The following KCND3 variants were observed in gnomAD, a reference collection of about 807,000 sequenced individuals.
KCND3 encodes the protein potassium voltage-gated channel subfamily D member 3.
In KCND3, 9 loss-of-function variants were observed where a neutral mutation model predicts 51.1. The observed-to-expected ratio is 0.18, with a 90% CI of 0.11 to 0.31. KCND3 has a LOEUF of 0.31. Among genes scored for constraint, KCND3 ranks in the 10% least tolerant of loss-of-function variants. The probability of loss-of-function intolerance (pLI) is 1.00; values close to 1 mark genes in which losing one functional copy is unlikely to be tolerated. For missense variants in KCND3, 526 were observed against 903.8 expected (o/e 0.58, Z 5.36); for synonymous variants, 349 against 368.0 (o/e 0.95, Z 0.59).
At chr1:111,976,040 C>G (rs1462037496) in intron 2 of KCND3, among the ~76,000 whole-genome samples, 2 of 152,194 alleles carry the variant, frequency 1.3e-5, no homozygotes, top group Non-Finnish European at 2.9e-5. Context: ...TCTCTGCAAC[C>G]TGATAAAATG....
At chr1:111,926,316 A>C (rs761621299) in intron 2 of KCND3, among the ~76,000 whole-genome samples, 1 of 152,238 alleles carries the variant, frequency 6.6e-6, no homozygotes, top group Non-Finnish European at 1.5e-5. Context: ...CAATTCCTTG[A>C]GCGATTATGT....
intron 2 of KCND3, among the ~76,000 whole-genome samples, chr1:111,920,819 C>T (rs4839187): frequency 0.16 from 24,292 of 152,268 alleles, 2,182 homozygotes; most frequent in South Asian, 0.27. Context: ...CTGCCTTGAC[C>T]TTCTCACTCC....
At chr1:111,831,939 T>C (rs545097672) in intron 2 of KCND3, among the ~76,000 whole-genome samples, 1 of 152,358 alleles carries the variant, frequency 6.6e-6, no homozygotes, top group East Asian at 1.9e-4. Flanking sequence ...GAATGCCTCC[T>C]TCTTTCATAT....
chr1:111,829,032 C>T (rs1004924392), intron 2 of KCND3, among the ~76,000 whole-genome samples: 5 of 152,182 alleles, frequency 3.3e-5, no homozygotes, highest in African/African-American at 1.2e-4. Context: ...ACAAATGCTA[C>T]AAAGACAATT....
intron 2 of KCND3, among the ~76,000 whole-genome samples, chr1:111,903,254 G>A (rs1474452588): frequency 6.6e-6 from 1 of 152,216 alleles, no homozygotes; most frequent in Non-Finnish European, 1.5e-5. Flanking sequence ...AGCCTTCCTT[G>A]GTGCCTACTT....
intron 2 of KCND3, among the ~76,000 whole-genome samples, chr1:111,824,822 CAT>C (rs1666503493): frequency 1.3e-5 from 2 of 152,148 alleles, no homozygotes; most frequent in Non-Finnish European, 2.9e-5. Flanking sequence ...TTTTTCCACA[CAT>C]AGTTACATTT....
chr1:111,848,795 G>A (rs944100682), intron 2 of KCND3, among the ~76,000 whole-genome samples: 2 of 152,224 alleles, frequency 1.3e-5, no homozygotes, highest in African/African-American at 4.8e-5. Flanking sequence ...GTTGTAGGGC[G>A]TGGAGATGAC....
intron 2 of KCND3, among the ~76,000 whole-genome samples, chr1:111,836,101 ATGGCT>A (rs1667051868): frequency 6.6e-6 from 1 of 152,242 alleles, no homozygotes; most frequent in Admixed American, 6.5e-5. Flanking sequence ...GGCATAATGC[ATGGCT>A]TTATGTCCTG....
intron 2 of KCND3, among the ~76,000 whole-genome samples, chr1:111,855,939 C>A (rs1375426729): frequency 6.6e-6 from 1 of 152,160 alleles, no homozygotes; most frequent in East Asian, 1.9e-4. Context: ...CTATGGCCTT[C>A]AACTATGGGG....
intron 2 of KCND3, among the ~76,000 whole-genome samples, chr1:111,854,276 A>G (rs1046932155): frequency 6.6e-6 from 1 of 152,230 alleles, no homozygotes; most frequent in Non-Finnish European, 1.5e-5. Context: ...TGAACTTCAG[A>G]TAATGTAATA....
intron 2 of KCND3, among the ~76,000 whole-genome samples, chr1:111,877,160 A>T (rs1326465790): frequency 6.6e-6 from 1 of 152,214 alleles, no homozygotes; most frequent in Non-Finnish European, 1.5e-5. Flanking sequence ...TTCCTGGTCA[A>T]TTTTAGCCAA....
chr1:111,926,930 T>C (rs936427360), intron 2 of KCND3, among the ~76,000 whole-genome samples: 31 of 152,250 alleles, frequency 2.0e-4, no homozygotes, highest in Non-Finnish European at 4.1e-4. Context: ...TTCTTTTTTT[T>C]CTAAACATGC....
chr1:111,842,172 C>T (rs766699969), intron 2 of KCND3, among the ~76,000 whole-genome samples: 15 of 152,120 alleles, frequency 9.9e-5, no homozygotes, highest in Middle Eastern at 3.2e-3. Context: ...TTGATAAACA[C>T]GGCATTCGCA....
intron 2 of KCND3, among the ~76,000 whole-genome samples, chr1:111,879,487 G>A (rs1363648456): frequency 6.6e-6 from 1 of 152,190 alleles, no homozygotes; most frequent in Non-Finnish European, 1.5e-5. Flanking sequence ...GTTTTTCAAA[G>A]CTTGAAATTA....
intron 2 of KCND3, among the ~76,000 whole-genome samples, chr1:111,828,432 A>G (rs2101614106): frequency 6.6e-6 from 1 of 152,260 alleles, no homozygotes; most frequent in Admixed American, 6.5e-5. Flanking sequence ...ATTCAACTGC[A>G]TCTCCCATTA....
At chr1:111,971,311 AAC>A (rs1471253087) in intron 2 of KCND3, among the ~76,000 whole-genome samples, 3 of 143,770 alleles carry the variant, frequency 2.1e-5, no homozygotes, top group Admixed American at 7.0e-5. Context: ...AAAAAAAAAA[AAC>A]ACCACAAAAC....
chr1:111,792,137 A>G (rs149441182), intron 2 of KCND3, among the ~76,000 whole-genome samples: 5 of 152,336 alleles, frequency 3.3e-5, no homozygotes, highest in East Asian at 1.9e-4. Context: ...TCTCAAGGAA[A>G]TCAAAGGAAT....
In KCND3 at chr1:111,965,438, C is replaced by CCCCACACACACACACACACACACA. The variant is rs1553184422; in HGVS notation, c.1106+16182_1106+16183insTGTGTGTGTGTGTGTGTGTGTGGG. Among the ~76,000 whole-genome samples, 3 of 72,420 alleles carry CCCCACACACACACACACACACACA rather than the reference C, an allele frequency of 4.1e-5. No homozygotes were observed. The East Asian group carries it at 1.7e-3, about 42-fold the overall frequency. The allele number at this position is 72,420 out of a possible 152,430, so 47.5% of individuals were successfully genotyped here. A position where few individuals can be genotyped will look rare whatever the true frequency, so the allele number is the denominator to read the frequency against. ...CCCCGACCCCTTATGGCCAGCAAAA[C>CCCCACACACACACACACACACACA]CACACACACACACACACACACACAC... is the stretch of plus-strand genomic sequence containing the variant. On this transcript the variant is annotated intron_variant, in intron 2 of 7. Coordinates refer to ENST00000302127, the MANE Select transcript of KCND3 (RefSeq NM_001378969.1).
chr1:111,982,121 C>T lies in KCND3; in HGVS notation c.606G>A (p.Val202=). The T allele has an allele frequency of 6.2e-7, 1 of 1,613,930 alleles. No individual in the cohort carries two copies. The highest frequency in any genetic ancestry group is 8.5e-7 in the Non-Finnish European group (1 of 1,179,990). The change falls in exon 2 of 8, where the codon GTG becomes GTA. Residue 202 remains valine (V), a synonymous_variant. Coordinates refer to ENST00000302127, the MANE Select transcript of KCND3 (RefSeq NM_001378969.1). This position sits in a 1 kb window ranked among gnomAD's most constrained non-coding sequence, Gnocchi z 8.5. ...GGACCGTGCCGCACGGCACCGTCTC[C>T]ACCACGTTGGTGATGACCGAGACAG... The part of the protein sequence containing the change: ...FIAVSVITNV[V]ETVPCGTVPG...
Sources: allele counts gnomAD v4.1 joint callset (sites outside exome capture counted in the v4.1 genomes callset), GRCh38; gene constraint gnomAD v4.1.1; non-coding constraint Gnocchi (gnomAD v3.1); transcripts MANE v1.5; gene names NCBI Gene and HGNC (gene_info 2026-07-23, HGNC 2026-07-21).